NT5DC2: variants seen among roughly 807,000 people sequenced by gnomAD.
The protein encoded by NT5DC2 is 5'-nucleotidase domain containing 2.
In NT5DC2, 41 loss-of-function variants were observed where a neutral mutation model predicts 70.0. The ratio of observed to expected loss-of-function variants is 0.59; its 90% CI spans 0.46 to 0.76. The LOEUF (loss-of-function observed/expected upper bound fraction) is 0.76, where lower values mean the gene tolerates loss of function less well. NT5DC2 is among the 30% of genes least tolerant of loss of function. The probability of loss-of-function intolerance (pLI) is 0.00; values close to 1 mark genes in which losing one functional copy is unlikely to be tolerated. For synonymous variants in NT5DC2, 299 were observed against 310.4 expected, an observed-to-expected ratio of 0.96 and a Z score of 0.39; for missense variants, 705 against 783.2, an observed-to-expected ratio of 0.90 and a Z score of 1.19.
chr3:52,532,423 C>T, intron 1 of NT5DC2: 24 of 985,392 alleles, frequency 2.4e-5, no homozygotes, highest in Non-Finnish European at 2.9e-5. Flanking sequence ...GACAGATGCC[C>T]AAGGCTTCAA....
At chr3:52,533,907 G>A (rs1299985732), upstream of NT5DC2, 2 of 905,064 alleles carry the variant, frequency 2.2e-6, no homozygotes, top group Non-Finnish European at 2.6e-6. Context: ...CCCTCGGCCC[G>A]GGGGGCGGGA....
rs1382389126 is a variant in NT5DC2 at position 52,525,016 on chromosome 3, T to C, written c.1294A>G (p.Met432Val). Reference protein sequence around the residue: ...EIRIINTEQYMHSLTWQQALT... With the variant: ...EIRIINTEQYVHSLTWQQALT... ...GCCTGCTGCCACGTCAGCGAGTGCATGTACTGCTCCGTGTTGATGATGCGG... is the reference window on the plus strand; with the variant it reads ...GCCTGCTGCCACGTCAGCGAGTGCACGTACTGCTCCGTGTTGATGATGCGG... Residue 432 changes from methionine (M) to valine (V), a missense_variant, in exon 12 of 14, where the codon ATG becomes GTG. By Grantham distance (21) the Met-to-Val change is conservative. Transcript: ENST00000422318. 1.2e-6 allele frequency: 2 copies of C among 1,610,362 alleles called. No individual in the cohort carries two copies. The highest frequency in any genetic ancestry group is 1.7e-6 in the Non-Finnish European group (2 of 1,179,034).
intron 12 of NT5DC2, 24 bp from the exon 13 acceptor site, chr3:52,524,905 G>T: frequency 6.2e-7 from 1 of 1,611,964 alleles, no homozygotes; most frequent in Non-Finnish European, 8.5e-7. Flanking sequence ...GTGTGCATTG[G>T]GTGTGTGCAC....
intron 10 of NT5DC2, chr3:52,526,397 C>G (rs1018683565): frequency 2.0e-5 from 3 of 152,314 alleles, no homozygotes; most frequent in Non-Finnish European, 4.4e-5. Flanking sequence ...CCTCCAGCCC[C>G]AAGGCCTTTA....
upstream of NT5DC2, chr3:52,534,553 G>C: frequency 1.2e-6 from 2 of 1,613,528 alleles, no homozygotes; most frequent in African/African-American, 2.7e-5. Flanking sequence ...CCGGTTTCCC[G>C]GCGCACGCCC....
At chr3:52,528,774 A>G in intron 3 of NT5DC2, 82 bp from the exon 4 acceptor site, 1 of 1,602,116 alleles carries the variant, frequency 6.2e-7, no homozygotes, top group Non-Finnish European at 8.6e-7. Flanking sequence ...AGCCCATGCC[A>G]GAACCCCAGC....
At position 52,524,475 on chromosome 3, in the gene NT5DC2, G is replaced by C. The variant is rs898260470; in HGVS notation, c.1669C>G (p.Arg557Gly). ...TPFLGDMAHI[R>G] ...CCCAGACAATAAAGGTGCCCTCAGC[G>C]GATGTGGGCCATGTCACCAAGGAAG... Residue 557 changes from arginine (R) to glycine (G), a missense_variant, in exon 14 of 14, where the codon CGC (arginine) becomes GGC (glycine). Transcript: ENST00000422318. The C allele has an allele frequency of 6.2e-7, 1 of 1,612,776 alleles. No homozygotes were observed. The highest frequency in any genetic ancestry group is 1.1e-5 in the South Asian group (1 of 91,084).
At chr3:52,535,006 C>T (rs1048896140), upstream of NT5DC2, 1 of 258,286 alleles carries the variant, frequency 3.9e-6, no homozygotes, top group Non-Finnish European at 7.4e-6. Context: ...CTGCAGCATC[C>T]AGCCGTCAAA....
Position 52,527,391 on chromosome 3 carries a change from A to AG in NT5DC2, c.1038-17dup, listed in dbSNP as rs745317064. On this transcript the variant is annotated splice_polypyrimidine_tract_variant and intron_variant, in intron 9 of 13. Coordinates refer to ENST00000422318, the MANE Select transcript of NT5DC2 (RefSeq NM_001134231.2). Reference sequence around the variant, plus strand: ...TCTGAAAGGCCTGGGGTGCAGGTAAAGGGCATGACTTCCAGTCTGTGGCTG... The same window carrying AG: ...TCTGAAAGGCCTGGGGTGCAGGTAAAGGGGCATGACTTCCAGTCTGTGGCTG... 1.9e-6 allele frequency: 3 copies of AG among 1,613,292 alleles called. No homozygotes were observed. The highest frequency in any genetic ancestry group is 1.7e-5 in the Admixed American group (1 of 59,984).
In NT5DC2 at chr3:52,525,079, G is replaced by A. The variant is rs752611642; in HGVS notation, c.1231C>T (p.Arg411Cys). Reference protein sequence around the residue: ...LADLMLRHGWRTGAIIPELER... With the variant: ...LADLMLRHGWCTGAIIPELER... ...AGCTCGGGGATGATGGCGCCTGTGC[G>A]CCAGCCGTGCCGCAGCATGAGATCC... The change falls in exon 12 of 14, where the codon CGC (arginine) becomes TGC (cysteine). Residue 411 changes from arginine (R) to cysteine (C), a missense_variant. Coordinates refer to ENST00000422318, the MANE Select transcript of NT5DC2 (RefSeq NM_001134231.2). 7.6e-6 allele frequency: 12 copies of A among 1,583,478 alleles called. No homozygotes were observed. The highest frequency in any genetic ancestry group is 1.1e-5 in the South Asian group (1 of 87,850).
rs753242401 is a variant in NT5DC2 at position 52,527,377 on chromosome 3, T to C, written c.1038-2A>G. ...TTCTCATCGAGTTTTCTGAAAGGCC[T>C]GGGGTGCAGGTAAAGGGCATGACTT... On this transcript the variant is annotated splice_acceptor_variant, in intron 9 of 13. Transcript: ENST00000422318. LOFTEE classifies it high-confidence loss of function. 5 of 1,614,010 alleles carry C rather than the reference T, an allele frequency of 3.1e-6. No homozygotes were observed. The highest frequency in any genetic ancestry group is 4.2e-6 in the Non-Finnish European group (5 of 1,179,932).
rs2079386196 is a variant in NT5DC2, at chr3:52,533,377, C to T, written c.232+129G>A. 4 of 1,015,260 alleles carry T rather than the reference C, an allele frequency of 3.9e-6. No homozygotes were observed. In the East Asian group the frequency reaches 1.1e-4, roughly 28 times the overall value. The allele number at this position is 1,015,260 out of a possible 1,614,324, so 62.9% of individuals were successfully genotyped here. On this transcript the variant is annotated intron_variant, in intron 1 of 13. Transcript: ENST00000422318. ...GAGCTTCTCGCGAAAAGCCGCCCGG[C>T]CCTTGCGCTCCGGGGCCCTGGCGAG...
chr3:52,529,320 C>CG lies in NT5DC2; in HGVS notation c.246dup (p.Glu83ArgfsTer21), dbSNP rs745545727. On this transcript the variant is annotated frameshift_variant, in exon 2 of 14. Transcript: ENST00000422318. LOFTEE classifies it high-confidence loss of function. This position sits in a 1 kb window ranked among gnomAD's most constrained non-coding sequence, Gnocchi z 4.1. ...GCTGGGTTCAGGAGACTGCAGACCT[C>CG]GGGGGGCAGGAGGTCTAGAGGAAGG... The CG allele has an allele frequency of 7.4e-6, 12 of 1,613,262 alleles. No individual in the cohort carries two copies. Among genetic ancestry groups the CG allele is most frequent in the Admixed American group, 1.7e-5 (1 of 59,964 alleles).
At chr3:52,534,817 C>G, upstream of NT5DC2, 2 of 791,496 alleles carry the variant, frequency 2.5e-6, no homozygotes, top group Non-Finnish European at 4.0e-6. Flanking sequence ...TGTGTACATT[C>G]GAAACTCCAC....
chr3:52,524,387 C>T lies in NT5DC2; in HGVS notation c.*83G>A, dbSNP rs1230792815. Reference sequence around the variant, plus strand: ...CTGGGGCTGAAAGCAGAAGCATGCACAGGGAGGAGACCACTTTTATTGCTT... The same window carrying T: ...CTGGGGCTGAAAGCAGAAGCATGCATAGGGAGGAGACCACTTTTATTGCTT... On this transcript the variant is annotated 3_prime_UTR_variant, in exon 14 of 14. Transcript: ENST00000422318. 6.2e-7 allele frequency: 1 copy of T among 1,613,230 alleles called. No homozygotes were observed. The highest frequency in any genetic ancestry group is 8.5e-7 in the Non-Finnish European group (1 of 1,179,776).
chr3:52,533,409 T>G, intron 1 of NT5DC2, 97 bp downstream of exon 1: 1 of 1,292,970 alleles, frequency 7.7e-7, no homozygotes, highest in Non-Finnish European at 1.0e-6. Context: ...CGAGCCCCAC[T>G]GGGTGTTTCC....
At position 52,528,541 on chromosome 3, in the gene NT5DC2, T is replaced by C. The variant is rs746049489; in HGVS notation, c.549-2A>G. The C allele has an allele frequency of 3.1e-6, 5 of 1,589,168 alleles. No homozygotes were observed. Among genetic ancestry groups the C allele is most frequent in the African/African-American group, 1.5e-5 (1 of 68,556 alleles). On this transcript the variant is annotated splice_acceptor_variant, in intron 4 of 13. Transcript: ENST00000422318. LOFTEE classifies it high-confidence loss of function. ...TCGTCTGGCACAGGCTGGAGGCCCC[T>C]GAGCAGGCCCAAGATACCATCAGTC...
At chr3:52,527,508 C>G (rs2079295295) in intron 9 of NT5DC2, 109 bp downstream of exon 9, 2 of 1,450,940 alleles carry the variant, frequency 1.4e-6, no homozygotes, top group African/African-American at 1.4e-5. Context: ...TCACCCCAAG[C>G]ACATTGGGCA....
rs1416262712 is a variant in NT5DC2, at chr3:52,525,277, A to G, written c.1138T>C (p.Leu380=). The G allele has an allele frequency of 6.2e-7, 1 of 1,612,888 alleles. No homozygotes were observed. The highest frequency in any genetic ancestry group is 8.5e-7 in the Non-Finnish European group (1 of 1,179,936). The stretch of plus-strand genomic sequence containing the variant: ...GGGCCACGCCATTCCGTCAAGCGTA[A>G]GAAGTCAAACAGGTTTCCCTAGGGA... The part of the protein sequence containing the change: ...IYRQGNLFDF[L]RLTEWRGPRV... The change falls in exon 11 of 14, where the codon TTA becomes CTA. Residue 380 remains leucine (L), a synonymous_variant. Coordinates refer to ENST00000422318, the MANE Select transcript of NT5DC2 (RefSeq NM_001134231.2).
Sources: allele counts gnomAD v4.1 joint callset, GRCh38; gene constraint gnomAD v4.1.1; non-coding constraint Gnocchi (gnomAD v3.1); transcripts MANE v1.5; gene names NCBI Gene and HGNC (gene_info 2026-07-23, HGNC 2026-07-21).